Variants in WDR27 observed in about 807,000 individuals in gnomAD.
The protein encoded by WDR27 is WD repeat domain 27, also known as WD repeat-containing protein 27.
A neutral mutation model predicts 114.4 loss-of-function variants in WDR27; 100 were observed. The ratio of observed to expected loss-of-function variants is 0.87; its 90% CI spans 0.74 to 1.03. The LOEUF is 1.03. Ranked by LOEUF, WDR27 falls within the 50% of genes least tolerant of loss-of-function variation. The pLI is 0.00. For synonymous variants in WDR27, 449 were observed against 423.1 expected (o/e 1.06, Z -0.75); for missense variants, 1,129 against 1,092.9 (o/e 1.03, Z -0.47).
rs914935852 is a variant in WDR27 at position 169,666,803 on chromosome 6, G to T, written c.712+333C>A. 127 of 1,026,488 alleles carry T rather than the reference G, an allele frequency of 1.2e-4. No homozygotes were observed. In the African/African-American group the frequency reaches 2.0e-3, roughly 16 times the overall value. The allele number at this position is 1,026,488 out of a possible 1,614,324, so 63.6% of individuals were successfully genotyped here. A position where few individuals can be genotyped will look rare whatever the true frequency, so the allele number is the denominator to read the frequency against. ...GGGCAGTCCTGGCCCTACCAACACC[G>T]CTGGTTCTGGGATGTGTTTCTACAG... On this transcript the variant is annotated intron_variant, in intron 6 of 25. Coordinates refer to ENST00000448612, the MANE Select transcript of WDR27 (RefSeq NM_182552.5).
At chr6:169,650,300 G>C (rs1279748606) in intron 14 of WDR27, among the ~76,000 whole-genome samples, 23 of 52,716 alleles carry the variant, frequency 4.4e-4, no homozygotes, top group East Asian at 1.2e-3. Flanking sequence ...CCTCATCTCT[G>C]CATCCCTCCA....
intron 25 of WDR27, among the ~76,000 whole-genome samples, chr6:169,460,876 C>T (rs1257406922): frequency 1.3e-5 from 2 of 152,036 alleles, no homozygotes; most frequent in Non-Finnish European, 2.9e-5. Context: ...TACAAGCAGA[C>T]CTGCACAGTT....
At chr6:169,626,654 G>A (rs944443932) in intron 21 of WDR27, among the ~76,000 whole-genome samples, 3 of 152,194 alleles carry the variant, frequency 2.0e-5, no homozygotes, top group Non-Finnish European at 1.5e-5. Context: ...CTTTCCACAT[G>A]AGTCCGCACC....
At chr6:169,531,000 T>C (rs1482667331) in intron 25 of WDR27, among the ~76,000 whole-genome samples, 1 of 152,190 alleles carries the variant, frequency 6.6e-6, no homozygotes, top group African/African-American at 2.4e-5. Context: ...AATTCTACCC[T>C]TTCTGCCACA....
chr6:169,601,382 T>TAG (rs1421889828), intron 23 of WDR27, among the ~76,000 whole-genome samples: 2 of 152,178 alleles, frequency 1.3e-5, no homozygotes, highest in Non-Finnish European at 2.9e-5. Context: ...CTTCAGCCAA[T>TAG]AACTATTCAG....
the WDR27 span, among the ~76,000 whole-genome samples, chr6:169,443,923 T>C: frequency 6.6e-6 from 1 of 152,144 alleles, no homozygotes; most frequent in African/African-American, 2.4e-5. Context: ...GCAAGGCACG[T>C]AGGGATGTCG....
the WDR27 span, among the ~76,000 whole-genome samples, chr6:169,441,192 C>T: frequency 6.6e-6 from 1 of 152,080 alleles, no homozygotes; most frequent in Non-Finnish European, 1.5e-5. Context: ...GTTTTTCTTT[C>T]TGGCACCTTT....
intron 18 of WDR27, among the ~76,000 whole-genome samples, chr6:169,637,629 A>AGCGT (rs1817959591): frequency 6.6e-6 from 1 of 151,796 alleles, no homozygotes; most frequent in Non-Finnish European, 1.5e-5. Context: ...CAAGTATGTA[A>AGCGT]GCATGCGTAT....
chr6:169,630,033 T>A (rs1280724147), intron 21 of WDR27, among the ~76,000 whole-genome samples: 3 of 151,442 alleles, frequency 2.0e-5, no homozygotes, highest in Admixed American at 6.6e-5. Flanking sequence ...AGAATGACAA[T>A]GTTTAAGAAA....
chr6:169,686,846 G>A (rs1783103039), intron 2 of WDR27, among the ~76,000 whole-genome samples: 3 of 152,138 alleles, frequency 2.0e-5, no homozygotes, highest in Admixed American at 2.0e-4. Flanking sequence ...CAGCAACATG[G>A]ATGGAACTGG....
intron 25 of WDR27, among the ~76,000 whole-genome samples, chr6:169,546,435 T>C (rs1797464124): frequency 6.6e-6 from 1 of 152,086 alleles, no homozygotes; most frequent in South Asian, 2.1e-4. Flanking sequence ...CCCTTCTGCT[T>C]CCCTTTTGAG....
intron 18 of WDR27, among the ~76,000 whole-genome samples, chr6:169,637,118 G>A (rs1432190069): frequency 6.6e-6 from 1 of 152,178 alleles, no homozygotes; most frequent in East Asian, 1.9e-4. Context: ...ATTTGAAGGT[G>A]AGTTTCCTAC....
chr6:169,545,039 T>C (rs370451132), intron 25 of WDR27, among the ~76,000 whole-genome samples: 5 of 152,246 alleles, frequency 3.3e-5, no homozygotes, highest in African/African-American at 1.2e-4. Flanking sequence ...AGAATTTTTG[T>C]AGACACAGAC....
At chr6:169,688,513 C>G (rs186940648) in intron 2 of WDR27, among the ~76,000 whole-genome samples, 124 of 151,846 alleles carry the variant, frequency 8.2e-4, no homozygotes, top group Admixed American at 2.5e-3. Flanking sequence ...AAGTGAGAAA[C>G]GTCAATCTAA....
At chr6:169,648,021 A>G (rs1041806675) in intron 15 of WDR27, among the ~76,000 whole-genome samples, 151 bp from the exon 16 acceptor site, 2 of 152,242 alleles carry the variant, frequency 1.3e-5, no homozygotes, top group African/African-American at 4.8e-5. Flanking sequence ...GTCTATATTT[A>G]GACTCTTATA....
intron 25 of WDR27, among the ~76,000 whole-genome samples, chr6:169,466,773 G>A (rs531238285): frequency 1.3e-4 from 20 of 152,146 alleles, no homozygotes; most frequent in Non-Finnish European, 2.1e-4. Context: ...ATTCTGCCCC[G>A]GCTCCTCCCA....
At chr6:169,673,435 T>C (rs1309087005) in intron 2 of WDR27, among the ~76,000 whole-genome samples, 1 of 151,880 alleles carries the variant, frequency 6.6e-6, no homozygotes, top group Non-Finnish European at 1.5e-5. Flanking sequence ...ACACTATATA[T>C]ATATACAAAC....
At chr6:169,462,143 A>C (rs1784980970) in intron 25 of WDR27, among the ~76,000 whole-genome samples, 1 of 152,080 alleles carries the variant, frequency 6.6e-6, no homozygotes, top group Non-Finnish European at 1.5e-5. Context: ...CAAAAAAAAA[A>C]AACTCCTGAT....
chr6:169,458,489 T>C (rs1784547144), intron 25 of WDR27, among the ~76,000 whole-genome samples: 1 of 151,808 alleles, frequency 6.6e-6, no homozygotes. Context: ...CAGTAAAAAA[T>C]GTATAGGAGC....
Sources: allele counts gnomAD v4.1 joint callset (sites outside exome capture counted in the v4.1 genomes callset), GRCh38; gene constraint gnomAD v4.1.1; transcripts MANE v1.5; gene names NCBI Gene and HGNC (gene_info 2026-07-23, HGNC 2026-07-21).